The following CAPS2 variants were observed in gnomAD, a reference collection of about 807,000 sequenced individuals.
CAPS2 encodes the protein calcyphosine 2.
CAPS2 carries 98 observed loss-of-function variants against 86.5 expected under a neutral mutation model. That is an observed-to-expected ratio of 1.13 (90% CI 0.96 to 1.34). The LOEUF is 1.34. CAPS2 is among the 40% of genes most tolerant of loss of function. CAPS2 has a pLI of 0.00. For synonymous variants in CAPS2, 210 were observed against 225.1 expected, an observed-to-expected ratio of 0.93 and a Z score of 0.60; for missense variants, 729 against 686.8, an observed-to-expected ratio of 1.06 and a Z score of -0.69.
intron 4 of CAPS2, among the ~76,000 whole-genome samples, chr12:75,322,183 A>C (rs192194502): frequency 7.2e-5 from 11 of 152,294 alleles, no homozygotes; most frequent in Admixed American, 6.5e-4. Context: ...AGAAACCTTC[A>C]TTCTGTTTTC....
At chr12:75,304,866 T>C (rs756441621) in exon 8 of CAPS2, 3 of 1,611,504 alleles carry the variant, frequency 1.9e-6, no homozygotes, top group African/African-American at 1.3e-5. Flanking sequence ...TCTGGATCAC[T>C]GATGACAGCC....
chr12:75,352,579 T>C (rs1422925503), intron 1 of CAPS2, among the ~76,000 whole-genome samples: 1 of 151,980 alleles, frequency 6.6e-6, no homozygotes, highest in Non-Finnish European at 1.5e-5. Flanking sequence ...CCACTGTCAA[T>C]ATTAGCCAGA....
upstream of CAPS2, among the ~76,000 whole-genome samples, chr12:75,327,965 G>C (rs892288017): frequency 6.6e-6 from 1 of 151,228 alleles, no homozygotes; most frequent in African/African-American, 2.4e-5. Flanking sequence ...CCCATCCCTA[G>C]AGCTTCTTCC....
At chr12:75,279,252 C>T (rs1830429411) in intron 16 of CAPS2, among the ~76,000 whole-genome samples, 187 bp from the exon 17 acceptor site, 5 of 152,010 alleles carry the variant, frequency 3.3e-5, no homozygotes. Flanking sequence ...GCCACTCCTT[C>T]CCTGCCCCCT....
At chr12:75,377,818 ATACT>A (rs1195944978) in intron 1 of CAPS2, among the ~76,000 whole-genome samples, 1 of 149,644 alleles carries the variant, frequency 6.7e-6, no homozygotes, top group East Asian at 2.0e-4. Context: ...AATCAAGTTG[ATACT>A]TAATATTAAC....
At chr12:75,357,314 C>T (rs566843780) in intron 1 of CAPS2, among the ~76,000 whole-genome samples, 32 of 152,186 alleles carry the variant, frequency 2.1e-4, no homozygotes, top group Non-Finnish European at 4.1e-4. Context: ...ATCAAGAGAA[C>T]ATAAGAGTCC....
intron 14 of CAPS2, among the ~76,000 whole-genome samples, chr12:75,285,683 A>G (rs1181226251): frequency 6.6e-6 from 1 of 151,876 alleles, no homozygotes; most frequent in East Asian, 1.9e-4. Flanking sequence ...CTATACATCT[A>G]TCTACCTATA....
At chr12:75,328,177 C>A (rs547874680), upstream of CAPS2, among the ~76,000 whole-genome samples, 81 of 152,040 alleles carry the variant, frequency 5.3e-4, 1 homozygote, top group Admixed American at 1.3e-3. Flanking sequence ...GTTTTGGAGG[C>A]CAGGGTTGGG....
upstream of CAPS2, among the ~76,000 whole-genome samples, chr12:75,333,475 C>G (rs774238525): frequency 1.3e-5 from 2 of 151,934 alleles, no homozygotes; most frequent in Non-Finnish European, 2.9e-5. Context: ...TATATATGTT[C>G]ATGTCTTTGG....
chr12:75,306,128 TGCGGAA>T, intron 7 of CAPS2: 1 of 1,193,822 alleles, frequency 8.4e-7, no homozygotes, highest in Non-Finnish European at 1.2e-6. Flanking sequence ...TTCGGGAACG[TGCGGAA>T]GCTCATCACC....
chr12:75,300,298 T>C (rs2037598538), intron 8 of CAPS2, among the ~76,000 whole-genome samples: 2 of 151,990 alleles, frequency 1.3e-5, no homozygotes, highest in Non-Finnish European at 2.9e-5. Context: ...GGCTCACACC[T>C]GTAATCCCAG....
At chr12:75,335,773 G>A (rs1000764281) in intron 1 of CAPS2, among the ~76,000 whole-genome samples, 2 of 151,994 alleles carry the variant, frequency 1.3e-5, no homozygotes, top group Admixed American at 1.3e-4. Flanking sequence ...CTTTAATGCA[G>A]AATTGTTAAG....
intron 1 of CAPS2, among the ~76,000 whole-genome samples, chr12:75,379,710 GA>G (rs1324025247): frequency 6.6e-6 from 1 of 152,096 alleles, no homozygotes; most frequent in Non-Finnish European, 1.5e-5. Flanking sequence ...AGAAATTGCT[GA>G]ATCACTTCAA....
intron 9 of CAPS2, among the ~76,000 whole-genome samples, 197 bp from the exon 10 acceptor site, chr12:75,299,163 G>GA (rs540827214): frequency 6.6e-6 from 1 of 152,000 alleles, no homozygotes; most frequent in Non-Finnish European, 1.5e-5. Context: ...TTTGAATGCA[G>GA]AAAAAAATAA....
intron 16 of CAPS2, among the ~76,000 whole-genome samples, chr12:75,281,949 T>C (rs1356765470): frequency 1.3e-5 from 2 of 152,082 alleles, no homozygotes; most frequent in Non-Finnish European, 2.9e-5. Context: ...TCTGAGAACC[T>C]GCATATGTAT....
At chr12:75,285,327 A>T (rs566630773) in intron 14 of CAPS2, among the ~76,000 whole-genome samples, 10 of 152,168 alleles carry the variant, frequency 6.6e-5, no homozygotes, top group Admixed American at 3.3e-4. Context: ...TTACTTTTTT[A>T]AGTTTTATTT....
chr12:75,303,484 C>T (rs1176564218), intron 8 of CAPS2, among the ~76,000 whole-genome samples: 4 of 152,238 alleles, frequency 2.6e-5, no homozygotes, highest in East Asian at 1.9e-4. Context: ...AGGGGAGGTT[C>T]GGGGTACTGG....
chr12:75,379,186 T>A (rs2044823943), intron 1 of CAPS2, among the ~76,000 whole-genome samples: 1 of 152,146 alleles, frequency 6.6e-6, no homozygotes, highest in African/African-American at 2.4e-5. Flanking sequence ...AAATTTAAAA[T>A]TTTTTTACAG....
rs1041365861 is a variant in CAPS2, at chr12:75,316,556, C to T, written c.469-122G>A. 1.6e-5 allele frequency: 15 copies of T among 921,722 alleles called. No homozygotes were observed. In the African/African-American group the frequency reaches 2.1e-4, roughly 13 times the overall value. The allele number at this position is 921,722 out of a possible 1,614,324, so 57.1% of individuals were successfully genotyped here. On this transcript the variant is annotated intron_variant, in intron 5 of 16. Coordinates refer to ENST00000393284, the Ensembl canonical transcript of CAPS2. ...ACTATTTGTACAACAGTTAAAAGTACAGGCTCTGAAAATCAGATTGCTTAT... is the reference window on the plus strand; with the variant it reads ...ACTATTTGTACAACAGTTAAAAGTATAGGCTCTGAAAATCAGATTGCTTAT...
Sources: allele counts gnomAD v4.1 joint callset (sites outside exome capture counted in the v4.1 genomes callset), GRCh38; gene constraint gnomAD v4.1.1; transcripts MANE v1.5; gene names NCBI Gene and HGNC (gene_info 2026-07-23, HGNC 2026-07-21).